USP39: variants seen among roughly 807,000 people sequenced by gnomAD.
USP39 encodes the protein ubiquitin specific peptidase 39.
In USP39, 38 loss-of-function variants were observed where a neutral mutation model predicts 66.4. That is an observed-to-expected ratio of 0.57 (90% confidence interval 0.44 to 0.75). The LOEUF is 0.75. Among genes scored for constraint, USP39 ranks in the 30% least tolerant of loss-of-function variants. The pLI is 0.00. For missense variants in USP39, 608 were observed against 714.4 expected (o/e 0.85, Z 1.70); for synonymous variants, 303 against 274.6 (o/e 1.10, Z -1.02).
At chr2:85,629,140 T>C (rs1675112350) in intron 5 of USP39, among the ~76,000 whole-genome samples, 1 of 152,162 alleles carries the variant, frequency 6.6e-6, no homozygotes, top group Non-Finnish European at 1.5e-5. Flanking sequence ...CTTGGCTCGC[T>C]GCAACCTCTG....
chr2:85,606,729 C>T (rs372863190), intron 1 of USP39: 1 of 151,646 alleles, frequency 6.6e-6, no homozygotes, highest in Non-Finnish European at 1.5e-5. Flanking sequence ...ACAACAAACA[C>T]TTAAAAGGAT....
intron 10 of USP39, 145 bp from the exon 11 acceptor site, chr2:85,644,803 C>T (rs1216039065): frequency 2.0e-6 from 2 of 1,018,932 alleles, no homozygotes; most frequent in East Asian, 5.5e-5. Context: ...TCCAACGCAC[C>T]TGGACCTTCT....
intron 6 of USP39, among the ~76,000 whole-genome samples, chr2:85,633,959 T>G (rs1675568977): frequency 7.1e-6 from 1 of 140,922 alleles, no homozygotes; most frequent in South Asian, 2.5e-4. Flanking sequence ...TGCCTCAGCC[T>G]CCCAAGTAGC....
intron 10 of USP39, among the ~76,000 whole-genome samples, chr2:85,642,405 T>A (rs1222551608): frequency 5.3e-5 from 8 of 152,198 alleles, no homozygotes; most frequent in Admixed American, 5.2e-4. Context: ...CAGTCACCTG[T>A]CTGTTCCTGG....
chr2:85,621,450 C>T (rs777141483), intron 2 of USP39, 35 bp from the exon 3 acceptor site: 5 of 1,591,274 alleles, frequency 3.1e-6, no homozygotes, highest in Non-Finnish European at 4.3e-6. Flanking sequence ...CCTACATGTC[C>T]ATCCTATTTA....
At position 85,605,473 on chromosome 2, in the gene USP39, A is replaced by G. The variant is rs548354186; in HGVS notation, n.226+2392A>G. 9.2e-5 allele frequency among the ~76,000 whole-genome samples: 14 copies of G among 152,334 alleles called. No individual in the cohort carries two copies. The South Asian group carries it at 2.7e-3, about 29-fold the overall frequency. On this transcript the variant is annotated intron_variant and non_coding_transcript_variant, in intron 1 of 12. Coordinates refer to the USP39 transcript ENST00000459775. ...GAAGCCCTTTACTCAGAAGGTCTTC[A>G]ATTCTAGCATTACTCCAACTCCTAG...
At chr2:85,626,050 G>A (rs1674837368) in intron 5 of USP39, among the ~76,000 whole-genome samples, 2 of 149,918 alleles carry the variant, frequency 1.3e-5, no homozygotes, top group South Asian at 4.2e-4. Flanking sequence ...GAAATAGTAT[G>A]TGTACTGGCC....
At chr2:85,648,171 G>A (rs1676791467) in intron 12 of USP39, among the ~76,000 whole-genome samples, 155 bp downstream of exon 12, 1 of 152,196 alleles carries the variant, frequency 6.6e-6, no homozygotes, top group Non-Finnish European at 1.5e-5. Context: ...GGGGCAGAAT[G>A]TATGGCCCTG....
At chr2:85,623,527 A>T in intron 3 of USP39, 119 bp from the exon 4 acceptor site, 1 of 1,361,260 alleles carries the variant, frequency 7.3e-7, no homozygotes, top group Non-Finnish European at 9.8e-7. Flanking sequence ...GAATGGCATA[A>T]TATTTGTTTT....
Position 85,638,202 on chromosome 2 carries a change from A to G in USP39, c.1095+766A>G, listed in dbSNP as rs1326949699. On this transcript the variant is annotated intron_variant, in intron 8 of 12. Coordinates refer to ENST00000323701, the MANE Select transcript of USP39 (RefSeq NM_006590.4). Reference sequence around the variant, plus strand: ...ATGCCTGGCTAATTTTTCTATTTTTAGTAGAGAAGAGGTTTTACCATGTTG... The same window carrying G: ...ATGCCTGGCTAATTTTTCTATTTTTGGTAGAGAAGAGGTTTTACCATGTTG... Among the ~76,000 whole-genome samples the G allele has an allele frequency of 2.7e-5, 4 of 150,458 alleles. No homozygotes were observed. In the East Asian group the frequency reaches 8.0e-4, roughly 30 times the overall value.
Position 85,625,575 on chromosome 2 carries a change from G to A in USP39, c.607G>A (p.Ala203Thr), listed in dbSNP as rs780512820. ...LKPTFTKQQI[A>T]NLDKQAKLSR... ...GCCCACTTTCACAAAGCAGCAAATT[G>A]CAAACTTGGACAAGCAAGCCAAATT... The change falls in exon 5 of 13, where the codon GCA (alanine) becomes ACA (threonine). Residue 203 changes from alanine to threonine, a missense_variant. Coordinates refer to ENST00000323701, the MANE Select transcript of USP39 (RefSeq NM_006590.4). 5 of 1,613,926 alleles carry A rather than the reference G, an allele frequency of 3.1e-6. No homozygotes were observed. The East Asian group carries it at 1.1e-4, about 36-fold the overall frequency.
At chr2:85,640,140 G>A (rs1159422344) in intron 9 of USP39, among the ~76,000 whole-genome samples, 2 of 151,962 alleles carry the variant, frequency 1.3e-5, no homozygotes, top group Non-Finnish European at 2.9e-5. Flanking sequence ...CCAAAGTGTT[G>A]GGATTACAGA....
At chr2:85,615,177 C>T (rs183974520), upstream of USP39, among the ~76,000 whole-genome samples, 189 of 152,184 alleles carry the variant, frequency 1.2e-3, no homozygotes, top group African/African-American at 4.1e-3. Context: ...CGTGCCACCA[C>T]GCCCGGCTAA....
At chr2:85,609,981 G>A (rs1673403430), upstream of USP39, among the ~76,000 whole-genome samples, 1 of 148,054 alleles carries the variant, frequency 6.8e-6, no homozygotes, top group Admixed American at 6.7e-5. Context: ...GCACCCAGCT[G>A]CCCCAATCTT....
chr2:85,641,895 G>A (rs1461251411), intron 10 of USP39, among the ~76,000 whole-genome samples: 1 of 132,162 alleles, frequency 7.6e-6, no homozygotes. Flanking sequence ...GGGTGACAGA[G>A]TGTGACTGTG....
At position 85,616,223 on chromosome 2, in the gene USP39, C is replaced by T; in HGVS notation, c.28C>T (p.Arg10Cys). 1.4e-6 allele frequency: 2 copies of T among 1,471,896 alleles called. No individual in the cohort carries two copies. The highest frequency in any genetic ancestry group is 1.8e-6 in the Non-Finnish European group (2 of 1,105,634). The allele number at this position is 1,471,896 out of a possible 1,614,324, so 91.2% of individuals were successfully genotyped here. The change falls in exon 1 of 13, where the codon CGC (arginine) becomes TGC (cysteine). Residue 10 changes from arginine (R) to cysteine (C), a missense_variant. Physicochemically the swap from Arg to Cys is radical, Grantham distance 180 (BLOSUM62 -3). Transcript: ENST00000323701. ...GTCCGGCCGGTCTAAGCGGGAGTCT[C>T]GCGGTTCCACTCGCGGGAAGCGAGA... MSGRSKRESRGSTRGKRESE... is the reference protein window; with the variant it reads MSGRSKRESCGSTRGKRESE...
rs571714386 is a variant in USP39 at position 85,639,153 on chromosome 2, C to G, written c.1096-50C>G. The G allele has an allele frequency of 1.7e-5, 26 of 1,553,584 alleles. No homozygotes were observed. In the Admixed American group the frequency reaches 3.9e-4, roughly 23 times the overall value. ...GTAAAACATCGGTTCTGTGTTGGTTCCTATACCCGTCACACTCCTTTCCTC... is the reference window on the plus strand; with the variant it reads ...GTAAAACATCGGTTCTGTGTTGGTTGCTATACCCGTCACACTCCTTTCCTC... On this transcript the variant is annotated intron_variant, in intron 8 of 12. Coordinates refer to ENST00000323701, the MANE Select transcript of USP39 (RefSeq NM_006590.4).
intron 5 of USP39, among the ~76,000 whole-genome samples, chr2:85,626,666 A>G (rs1674888690): frequency 6.6e-6 from 1 of 151,792 alleles, no homozygotes; most frequent in African/African-American, 2.4e-5. Flanking sequence ...TTTCCTGCCC[A>G]TGTGCTCATA....
intron 5 of USP39, among the ~76,000 whole-genome samples, chr2:85,626,118 G>A (rs1674843800): frequency 6.6e-6 from 1 of 152,116 alleles, no homozygotes; most frequent in Non-Finnish European, 1.5e-5. Flanking sequence ...CCAGCACTTT[G>A]GGAGGCCAAG....
Sources: allele counts gnomAD v4.1 joint callset (sites outside exome capture counted in the v4.1 genomes callset), GRCh38; gene constraint gnomAD v4.1.1; transcripts MANE v1.5; gene names NCBI Gene and HGNC (gene_info 2026-07-23, HGNC 2026-07-21).